Variants in APBA1 observed in about 807,000 individuals in gnomAD.
APBA1 encodes the protein amyloid-beta A4 precursor protein-binding family A member 1.
A neutral mutation model predicts 86.6 loss-of-function variants in APBA1; 55 were observed. The ratio of observed to expected loss-of-function variants is 0.64; its 90% confidence interval spans 0.51 to 0.80. The LOEUF is 0.80. APBA1 is among the 30% of genes least tolerant of loss of function. APBA1 has a pLI of 0.00. For synonymous variants in APBA1, 511 were observed against 493.9 expected (o/e 1.03, Z -0.46); for missense variants, 1,090 against 1,183.0 (o/e 0.92, Z 1.15).
rs1823669323 is a variant in APBA1 at position 69,658,294 on chromosome 9, T to TCTCTTTC, written c.-70+13858_-70+13859insGAAAGAG. Among the ~76,000 whole-genome samples the TCTCTTTC allele has an allele frequency of 6.1e-4, 27 of 44,518 alleles. 1 individual carries two copies. Among genetic ancestry groups the TCTCTTTC allele is most frequent in the Middle Eastern group, 0.01 (1 of 98 alleles). The allele number at this position is 44,518 out of a possible 152,430, so 29.2% of individuals were successfully genotyped here. On this transcript the variant is annotated intron_variant, in intron 1 of 12. Coordinates refer to ENST00000265381, the MANE Select transcript of APBA1 (RefSeq NM_001163.4). ...TTTCTTTCTTTCTTTCTCTCTCTCT[T>TCTCTTTC]TCTCTCTCTCTCTTTCTTTCTTTCT...
In APBA1 at chr9:69,457,110, A is replaced by G. The variant is rs1384446481; in HGVS notation, c.1545T>C (p.Thr515=). ...GGGTAGAAATGAAGAGATCCACTTC[A>G]GTCATTGGCTGAGATTCGCCTTCAG... ...KAPEGESQPM[T]EVDLFISTQR... is the part of the protein sequence containing the mutation. The change falls in exon 7 of 13, where the codon ACT becomes ACC. Residue 515 remains threonine (T), a synonymous_variant. Transcript: ENST00000265381. The G allele has an allele frequency of 1.2e-6, 2 of 1,614,214 alleles. No individual in the cohort carries two copies. Among genetic ancestry groups the G allele is most frequent in the Non-Finnish European group, 8.5e-7 (1 of 1,180,026 alleles).
At position 69,431,484 on chromosome 9, in the gene APBA1, T is replaced by A. The variant is rs576044779; in HGVS notation, c.2443-86A>T. On this transcript the variant is annotated intron_variant, in intron 12 of 12. Coordinates refer to ENST00000265381, the MANE Select transcript of APBA1 (RefSeq NM_001163.4). ...TGCCCAGGGCTGGCCAGAGAGGCAGTGCCTCTCCCACAGAGGGCTTTGAAG... is the reference window on the plus strand; with the variant it reads ...TGCCCAGGGCTGGCCAGAGAGGCAGAGCCTCTCCCACAGAGGGCTTTGAAG... 140 of 1,191,896 alleles carry A rather than the reference T, an allele frequency of 1.2e-4. No homozygotes were observed. In the South Asian group the frequency reaches 1.8e-3, roughly 15 times the overall value. 73.8% of individuals were successfully genotyped at this position (1,191,896 alleles called of 1,614,324 possible). A position where few individuals can be genotyped will look rare whatever the true frequency, so the allele number is the denominator to read the frequency against.
At chr9:69,594,128 G>A (rs1437313704) in intron 1 of APBA1, among the ~76,000 whole-genome samples, 1 of 152,064 alleles carries the variant, frequency 6.6e-6, no homozygotes, top group African/African-American at 2.4e-5. Context: ...TGCTGGTTCT[G>A]TCCAACTTTT....
intron 2 of APBA1, among the ~76,000 whole-genome samples, chr9:69,498,133 T>C (rs180715824): frequency 6.6e-6 from 1 of 152,192 alleles, no homozygotes; most frequent in Admixed American, 6.5e-5. Flanking sequence ...TGATAGGATA[T>C]CACCCTGTGA....
chr9:69,562,380 C>CT (rs11393335), intron 1 of APBA1, among the ~76,000 whole-genome samples: 12,687 of 144,958 alleles, frequency 0.088, 799 homozygotes, highest in African/African-American at 0.18. Context: ...CTTTTCTTTT[C>CT]TTTTTTTTTT....
chr9:69,477,245 C>T (rs952213519), intron 2 of APBA1, among the ~76,000 whole-genome samples: 7 of 151,444 alleles, frequency 4.6e-5, no homozygotes, highest in East Asian at 4.0e-4. Flanking sequence ...AGACAGTGGG[C>T]GCAGGTCAGT....
chr9:69,463,091 AC>A (rs1257303737), intron 5 of APBA1: 2 of 149,750 alleles, frequency 1.3e-5, no homozygotes, highest in Non-Finnish European at 3.0e-5. Flanking sequence ...CCAAAACAAA[AC>A]AAAAAAATGT....
chr9:69,672,515 C>A (rs1414285317), upstream of APBA1, among the ~76,000 whole-genome samples: 4 of 147,294 alleles, frequency 2.7e-5, no homozygotes, highest in Non-Finnish European at 4.5e-5. Flanking sequence ...AGCGCCCCTG[C>A]CTCCCTCGCC....
intron 2 of APBA1, among the ~76,000 whole-genome samples, chr9:69,492,192 C>G (rs1261197285): frequency 6.6e-6 from 1 of 152,118 alleles, no homozygotes; most frequent in East Asian, 1.9e-4. Flanking sequence ...ACTGATGGCT[C>G]TGAGCCTGGG....
intron 11 of APBA1, among the ~76,000 whole-genome samples, chr9:69,436,579 T>TTGTC (rs1834726077): frequency 7.4e-6 from 1 of 135,716 alleles, no homozygotes; most frequent in Non-Finnish European, 1.6e-5. Context: ...GGCTCTCTGT[T>TTGTC]TGTTGTTGGT....
In APBA1 at chr9:69,516,624, T is replaced by C. The variant is rs1180050695; in HGVS notation, c.587A>G (p.His196Arg). The C allele has an allele frequency of 6.2e-7, 1 of 1,607,500 alleles. No individual in the cohort carries two copies. The highest frequency in any genetic ancestry group is 8.5e-7 in the Non-Finnish European group (1 of 1,179,244). The change falls in exon 2 of 13, where the codon CAC becomes CGC. Residue 196 changes from histidine (H) to arginine (R), a missense_variant. His to Arg is a conservative substitution (Grantham distance 29, BLOSUM62 0). This residue lies in a region of APBA1 where 678 missense variants were observed against 647.1 expected (regional missense o/e 1.05). Transcript: ENST00000265381. The surrounding 1 kb of genome is among the most constrained non-coding windows in gnomAD (Gnocchi z 7.3). ...CGCGTCCCCTATCTCCTCGTACACG[T>C]GCTCCTGGAGGCCGCCGTAGTCGGC... ...PYADYGGLQE[H>R]VYEEIGDAPE...
intron 1 of APBA1, among the ~76,000 whole-genome samples, chr9:69,631,248 T>A (rs971608712): frequency 6.6e-6 from 1 of 152,078 alleles, no homozygotes; most frequent in Non-Finnish European, 1.5e-5. Context: ...GGGCAAAGGA[T>A]ATGAACAGAC....
intron 2 of APBA1, among the ~76,000 whole-genome samples, chr9:69,505,333 C>T (rs1835941632): frequency 6.6e-6 from 1 of 152,038 alleles, no homozygotes; most frequent in Non-Finnish European, 1.5e-5. Flanking sequence ...GAAGCAACTT[C>T]AGGGCTCACG....
intron 1 of APBA1, among the ~76,000 whole-genome samples, chr9:69,669,869 T>C (rs1823914150): frequency 6.6e-6 from 1 of 152,216 alleles, no homozygotes; most frequent in Non-Finnish European, 1.5e-5. Flanking sequence ...CCTCTTTCTC[T>C]AAACAGGGTA....
intron 1 of APBA1, among the ~76,000 whole-genome samples, chr9:69,572,108 G>C (rs1196552103): frequency 2.0e-5 from 3 of 152,098 alleles, no homozygotes; most frequent in Non-Finnish European, 2.9e-5. Context: ...TAAATTCTAG[G>C]GTACATGTAT....
chr9:69,523,119 T>G (rs1836279293), intron 1 of APBA1, among the ~76,000 whole-genome samples: 1 of 152,094 alleles, frequency 6.6e-6, no homozygotes, highest in African/African-American at 2.4e-5. Flanking sequence ...AGAAATAGAA[T>G]AGTTCATGAT....
chr9:69,505,220 G>A (rs1392521973), intron 2 of APBA1, among the ~76,000 whole-genome samples: 1 of 152,082 alleles, frequency 6.6e-6, no homozygotes, highest in Non-Finnish European at 1.5e-5. Context: ...GGAGACCTGT[G>A]CTGACAGGCG....
chr9:69,630,416 C>T (rs890446962), intron 1 of APBA1, among the ~76,000 whole-genome samples: 11 of 152,170 alleles, frequency 7.2e-5, no homozygotes, highest in Admixed American at 2.0e-4. Context: ...GTTTCAAACA[C>T]ATTCTAATAT....
At chr9:69,489,061 T>C (rs1835657953) in intron 2 of APBA1, among the ~76,000 whole-genome samples, 1 of 152,078 alleles carries the variant, frequency 6.6e-6, no homozygotes, top group South Asian at 2.1e-4. Flanking sequence ...CTGCCCAAGG[T>C]AATTTATAGA....
Sources: gnomAD v4.1 joint callset for allele counts (sites outside exome capture counted in the v4.1 genomes callset) on GRCh38, gnomAD v4.1.1 for gene constraint, gnomAD v4.1.1 regional missense constraint, Gnocchi (gnomAD v3.1) non-coding constraint, MANE v1.5 for transcripts, NCBI Gene and HGNC (gene_info 2026-07-23, HGNC 2026-07-21) for gene names.